HERC2: variants seen among roughly 807,000 people sequenced by gnomAD.
The protein encoded by HERC2 is HECT and RLD domain containing E3 ubiquitin protein ligase 2.
HERC2 carries 102 observed loss-of-function variants against 537.7 expected under a neutral mutation model. The observed-to-expected ratio is 0.19, with a 90% CI of 0.16 to 0.22. HERC2 has a LOEUF of 0.22. HERC2 is among the 10% of genes least tolerant of loss of function. The probability of loss-of-function intolerance (pLI) is 1.00; values close to 1 mark genes in which losing one functional copy is unlikely to be tolerated. For synonymous variants in HERC2, 2,224 were observed against 2,466.2 expected (o/e 0.90, Z 2.91); for missense variants, 4,236 against 6,198.2 (o/e 0.68, Z 10.63).
intron 45 of HERC2, among the ~76,000 whole-genome samples, chr15:28,205,440 C>T (rs1411422518): frequency 1.8e-4 from 24 of 130,914 alleles, no homozygotes; most frequent in Admixed American, 5.4e-4. Context: ...TCCCTTCCTG[C>T]CCACACCCGT....
At chr15:28,173,064 A>G (rs755787426) in intron 65 of HERC2, among the ~76,000 whole-genome samples, 16 of 152,234 alleles carry the variant, frequency 1.1e-4, no homozygotes, top group Non-Finnish European at 1.6e-4. Context: ...CCATACGTCT[A>G]TCAGTATAAC....
intron 19 of HERC2, 63 bp downstream of exon 19, chr15:28,255,809 G>A: frequency 6.5e-7 from 1 of 1,530,182 alleles, no homozygotes; most frequent in Non-Finnish European, 8.9e-7. Context: ...TTCTTCACGT[G>A]TGTGAGTGTG....
intron 44 of HERC2, 145 bp downstream of exon 44, chr15:28,210,857 A>G: frequency 1.4e-6 from 1 of 728,488 alleles, no homozygotes; most frequent in Admixed American, 2.0e-5. Context: ...TTTTATTCAC[A>G]GTTGGTGGTT....
At chr15:28,159,734 T>C (rs1266971600) in intron 69 of HERC2, among the ~76,000 whole-genome samples, 1 of 152,248 alleles carries the variant, frequency 6.6e-6, no homozygotes, top group Admixed American at 6.5e-5. Flanking sequence ...TCTCAGCTCA[T>C]CAAAGTCATT....
rs538814021 is a variant in HERC2, at chr15:28,211,985, G to A, written c.6925+460C>T. ...CTCAGGAGAGCCGCATTCTACAACCGAAGGAAGGCAAAGCCAAGCCAGGCT... is the reference window on the plus strand; with the variant it reads ...CTCAGGAGAGCCGCATTCTACAACCAAAGGAAGGCAAAGCCAAGCCAGGCT... On this transcript the variant is annotated intron_variant, in intron 43 of 92. Transcript: ENST00000261609. 2.6e-5 allele frequency among the ~76,000 whole-genome samples: 4 copies of A among 152,276 alleles called. No homozygotes were observed. In the East Asian group the frequency reaches 5.8e-4, roughly 22 times the overall value.
intron 56 of HERC2, among the ~76,000 whole-genome samples, chr15:28,185,510 T>C (rs1219943319): frequency 6.6e-6 from 1 of 152,234 alleles, no homozygotes; most frequent in Non-Finnish European, 1.5e-5. Context: ...GGACACTGAT[T>C]ATCCTCCATT....
intron 67 of HERC2, 85 bp downstream of exon 67, chr15:28,168,322 A>C (rs1301802361): frequency 1.5e-6 from 2 of 1,352,846 alleles, no homozygotes; most frequent in Non-Finnish European, 2.1e-6. Flanking sequence ...AACAGCCTAA[A>C]CTAAATGACA....
intron 3 of HERC2, among the ~76,000 whole-genome samples, chr15:28,299,102 T>C (rs1221717036): frequency 6.6e-6 from 1 of 152,122 alleles, no homozygotes; most frequent in Non-Finnish European, 1.5e-5. Context: ...TAAATAAGAT[T>C]GTTCAATGGC....
At chr15:28,290,269 A>C (rs1205402900) in intron 4 of HERC2, among the ~76,000 whole-genome samples, 3 of 152,002 alleles carry the variant, frequency 2.0e-5, no homozygotes, top group Non-Finnish European at 4.4e-5. Context: ...TATCAACTTG[A>C]TCTCATTAAG....
chr15:28,190,175 AT>A (rs774381604), intron 55 of HERC2: 1,217 of 118,302 alleles, frequency 0.01, 13 homozygotes, highest in African/African-American at 0.028. Flanking sequence ...CGCCCGGCTA[AT>A]TTTTTTTTTT....
At chr15:28,291,118 G>A (rs1243868977) in intron 4 of HERC2, among the ~76,000 whole-genome samples, 9 of 152,220 alleles carry the variant, frequency 5.9e-5, no homozygotes, top group African/African-American at 9.6e-5. Flanking sequence ...TGGATAACAG[G>A]TAGTACATGC....
rs143204989 is a variant in HERC2 at position 28,228,838 on chromosome 15, G to A, written c.5272+357C>T. 4.4e-3 allele frequency among the ~76,000 whole-genome samples: 666 copies of A among 152,134 alleles called. 7 individuals are homozygous for A. The highest frequency in any genetic ancestry group is 0.015 in the African/African-American group (622 of 41,512). ...TGCCCTATTCCATTCCTTCCATTTC[G>A]AATATAAAAGTTATGTCTCACTTTT... On this transcript the variant is annotated intron_variant, in intron 34 of 92. Coordinates refer to ENST00000261609, the MANE Select transcript of HERC2 (RefSeq NM_004667.6).
At chr15:28,146,440 T>C in intron 70 of HERC2, 96 bp from the exon 71 acceptor site, 3 of 797,788 alleles carry the variant, frequency 3.8e-6, no homozygotes, top group Admixed American at 2.0e-5. Flanking sequence ...AGCTAATGAA[T>C]AGCAGAAAGT....
intron 92 of HERC2, among the ~76,000 whole-genome samples, chr15:28,112,464 T>C (rs547512916): frequency 2.9e-4 from 44 of 152,344 alleles, no homozygotes; most frequent in African/African-American, 1.1e-3. Flanking sequence ...AAACTATGCA[T>C]GCTCTCCAAG....
chr15:28,213,253 TG>T (rs1010275357), intron 42 of HERC2, among the ~76,000 whole-genome samples: 1 of 86,396 alleles, frequency 1.2e-5, no homozygotes, highest in Non-Finnish European at 2.1e-5. Context: ...AGATTGCACT[TG>T]GGCTACATCA....
chr15:28,195,856 C>T (rs1173591621), intron 52 of HERC2, among the ~76,000 whole-genome samples: 2 of 152,140 alleles, frequency 1.3e-5, no homozygotes, highest in African/African-American at 4.8e-5. Flanking sequence ...TATTTTGCCA[C>T]AATGACAAAT....
chr15:28,180,013 C>G (rs1895677719), intron 57 of HERC2, among the ~76,000 whole-genome samples: 1 of 152,114 alleles, frequency 6.6e-6, no homozygotes, highest in African/African-American at 2.4e-5. Context: ...TATAGTGTTT[C>G]TAAAGTCTAC....
chr15:28,201,964 C>T (rs1459496059), intron 47 of HERC2, 149 bp downstream of exon 47: 25 of 857,954 alleles, frequency 2.9e-5, no homozygotes, highest in Non-Finnish European at 4.7e-5. Context: ...TTGTTCTGTG[C>T]CCGGCAATAC....
chr15:28,194,375 C>A (rs1302778813), intron 52 of HERC2, among the ~76,000 whole-genome samples: 6 of 148,678 alleles, frequency 4.0e-5, no homozygotes, highest in African/African-American at 1.5e-4. Context: ...TCGAGACCAT[C>A]CTGGCTAACA....
Sources: gnomAD v4.1 joint callset for allele counts (sites outside exome capture counted in the v4.1 genomes callset) on GRCh38, gnomAD v4.1.1 for gene constraint, MANE v1.5 for transcripts, NCBI Gene and HGNC (gene_info 2026-07-23, HGNC 2026-07-21) for gene names.